Variants in TTLL1 observed in about 807,000 individuals in gnomAD.
TTLL1 encodes the protein TTL family tubulin polyglutamylase complex subunit L1, also known as polyglutamylase complex subunit TTLL1.
Under a neutral mutation model 47.8 loss-of-function variants are expected in TTLL1, and 33 were observed. That is an observed-to-expected ratio of 0.69 (90% CI 0.52 to 0.92). TTLL1 has a LOEUF of 0.92. TTLL1 is among the 40% of genes least tolerant of loss of function. The probability of loss-of-function intolerance (pLI) is 0.00; values close to 1 mark genes in which losing one functional copy is unlikely to be tolerated. For missense variants in TTLL1, 488 were observed against 547.5 expected (o/e 0.89, Z 1.08); for synonymous variants, 225 against 214.1 (o/e 1.05, Z -0.45).
intron 10 of TTLL1, 135 bp downstream of exon 10, chr22:43,046,275 C>A: frequency 1.1e-6 from 1 of 909,518 alleles, no homozygotes; most frequent in South Asian, 1.8e-5. Flanking sequence ...AAGATCTATC[C>A]CATCATGTCA....
At chr22:43,078,538 A>G (rs1252244998) in intron 2 of TTLL1, among the ~76,000 whole-genome samples, 2 of 152,092 alleles carry the variant, frequency 1.3e-5, no homozygotes, top group Middle Eastern at 3.4e-3. Context: ...GAAGAGAAGA[A>G]AAGGAAACAG....
At chr22:43,050,883 G>A (rs897697125) in intron 9 of TTLL1, among the ~76,000 whole-genome samples, 2 of 152,102 alleles carry the variant, frequency 1.3e-5, no homozygotes, top group African/African-American at 4.8e-5. Context: ...TCTATTCCCC[G>A]CTCACACACC....
At position 43,052,599 on chromosome 22, in the gene TTLL1, G is replaced by T. The variant is rs1926716074; in HGVS notation, c.892-712C>A. Among the ~76,000 whole-genome samples the T allele has an allele frequency of 3.3e-5, 5 of 151,974 alleles. No homozygotes were observed. The South Asian group carries it at 1.0e-3, about 32-fold the overall frequency. Reference sequence around the variant, plus strand: ...CTACAAAAAATAAAAAATTTAGCTGGGTGTGGTGGTATGTGCCATTAGTCC... The same window carrying T: ...CTACAAAAAATAAAAAATTTAGCTGTGTGTGGTGGTATGTGCCATTAGTCC... On this transcript the variant is annotated intron_variant, in intron 8 of 10. Transcript: ENST00000266254.
At chr22:43,056,925 T>A (rs1927055312) in intron 8 of TTLL1, among the ~76,000 whole-genome samples, 1 of 152,190 alleles carries the variant, frequency 6.6e-6, no homozygotes, top group South Asian at 2.1e-4. Flanking sequence ...TCTGACTAGC[T>A]GGGATCACAA....
rs186610942 is a variant in TTLL1 at position 43,052,888 on chromosome 22, G to A, written c.892-1001C>T. On this transcript the variant is annotated intron_variant, in intron 8 of 10. Coordinates refer to ENST00000266254, the MANE Select transcript of TTLL1 (RefSeq NM_012263.5). ...AGCCTGGCCAACATGGTGAAACCCC[G>A]TCTCTACTAAAAATACAAAAAATTA... Among the ~76,000 whole-genome samples the A allele has an allele frequency of 5.3e-5, 8 of 152,054 alleles. No individual in the cohort carries two copies. In the East Asian group the frequency reaches 7.7e-4, roughly 15 times the overall value.
intron 9 of TTLL1, among the ~76,000 whole-genome samples, chr22:43,046,783 C>T (rs1250044230): frequency 2.6e-5 from 4 of 152,162 alleles, no homozygotes; most frequent in Admixed American, 2.0e-4. Flanking sequence ...GATTCTCCTG[C>T]CTCAGCCTCC....
intron 7 of TTLL1, among the ~76,000 whole-genome samples, chr22:43,061,628 G>A (rs1927391722): frequency 6.6e-6 from 1 of 152,208 alleles, no homozygotes; most frequent in Non-Finnish European, 1.5e-5. Flanking sequence ...TTTGGTTTAT[G>A]TTGGGGTGAA....
intron 4 of TTLL1, 40 bp from the exon 5 acceptor site, chr22:43,068,630 C>T: frequency 2.9e-6 from 4 of 1,384,702 alleles, no homozygotes; most frequent in Non-Finnish European, 3.8e-6. Context: ...AGCAGCCAGC[C>T]CAACAGTGGC....
Position 43,044,603 on chromosome 22 carries a change from A to C in TTLL1, c.1142+1807T>G, listed in dbSNP as rs540243327. ...ATGTAACTGTGATCCTAACACACCT[A>C]CTCCTCCGCCTTTTACTGCCGTCTG... On this transcript the variant is annotated intron_variant, in intron 10 of 10. Transcript: ENST00000266254. 2.6e-5 allele frequency among the ~76,000 whole-genome samples: 4 copies of C among 151,736 alleles called. No homozygotes were observed. The South Asian group carries it at 6.3e-4, about 24-fold the overall frequency.
Position 43,039,892 on chromosome 22 carries a change from A to G in TTLL1, c.1156T>C (p.Leu386=), listed in dbSNP as rs2146952691. Residue 386 remains leucine, a synonymous_variant, in exon 11 of 11, where the codon TTG becomes CTG. Transcript: ENST00000266254. ...GNYEILYDEE[L]AQGDGADREL... Reference sequence around the variant, plus strand: ...CGGTCAGCCCCGTCACCCTGGGCCAATTCTTCATCATACCTGGAGACAGAA... The same window carrying G: ...CGGTCAGCCCCGTCACCCTGGGCCAGTTCTTCATCATACCTGGAGACAGAA... 1.2e-6 allele frequency: 2 copies of G among 1,613,626 alleles called. No homozygotes were observed. The highest frequency in any genetic ancestry group is 1.7e-6 in the Non-Finnish European group (2 of 1,179,902).
intron 10 of TTLL1, among the ~76,000 whole-genome samples, chr22:43,042,866 G>A (rs1925795696): frequency 6.6e-6 from 1 of 152,066 alleles, no homozygotes; most frequent in Non-Finnish European, 1.5e-5. Context: ...AGGACGGCTG[G>A]ATCAGGGAGG....
intron 10 of TTLL1, among the ~76,000 whole-genome samples, chr22:43,044,633 CCT>C (rs1490836154): frequency 1.3e-5 from 2 of 152,188 alleles, no homozygotes; most frequent in Non-Finnish European, 2.9e-5. Context: ...CGTCTGCTTC[CCT>C]CTCTTCTCCA....
At chr22:43,068,734 C>A (rs1927913405) in intron 4 of TTLL1, 144 bp from the exon 5 acceptor site, 1 of 610,190 alleles carries the variant, frequency 1.6e-6, no homozygotes, top group Non-Finnish European at 2.5e-6. Context: ...AGGGCCTCTG[C>A]TGCACAATCC....
chr22:43,054,423 C>CTTTTTT (rs767193512), intron 8 of TTLL1, among the ~76,000 whole-genome samples: 113 of 139,244 alleles, frequency 8.1e-4, no homozygotes, highest in African/African-American at 2.8e-3. Flanking sequence ...GACATAATCT[C>CTTTTTT]TTTTTTTTTT....
intron 3 of TTLL1, among the ~76,000 whole-genome samples, chr22:43,071,487 G>A (rs560721555): frequency 2.0e-5 from 3 of 152,290 alleles, no homozygotes; most frequent in African/African-American, 7.2e-5. Flanking sequence ...TTGGCTCACT[G>A]CAACCTCTGC....
intron 1 of TTLL1, among the ~76,000 whole-genome samples, chr22:43,085,638 T>C (rs966507342): frequency 3.9e-5 from 6 of 152,198 alleles, no homozygotes; most frequent in African/African-American, 1.4e-4. Context: ...CTGAGTCAAT[T>C]AAACCTCTTC....
intron 3 of TTLL1, 139 bp from the exon 4 acceptor site, chr22:43,069,983 T>C: frequency 7.3e-7 from 1 of 1,378,918 alleles, no homozygotes; most frequent in Non-Finnish European, 9.8e-7. Context: ...GAGCCAGGGG[T>C]TGCCCGGCCC....
At chr22:43,070,552 C>G (rs1928051237) in intron 3 of TTLL1, among the ~76,000 whole-genome samples, 1 of 152,120 alleles carries the variant, frequency 6.6e-6, no homozygotes, top group Non-Finnish European at 1.5e-5. Context: ...CACAGCACCA[C>G]CCTAGAGAGG....
At chr22:43,057,630 C>T (rs557421331) in intron 8 of TTLL1, among the ~76,000 whole-genome samples, 9 of 152,162 alleles carry the variant, frequency 5.9e-5, no homozygotes, top group African/African-American at 2.2e-4. Context: ...TCTCTGGGCC[C>T]ACATCTGAGT....
Sources: gnomAD v4.1 joint callset for allele counts (sites outside exome capture counted in the v4.1 genomes callset) on GRCh38, gnomAD v4.1.1 for gene constraint, MANE v1.5 for transcripts, NCBI Gene and HGNC (gene_info 2026-07-23, HGNC 2026-07-21) for gene names.